Variants in PDE4D observed in about 807,000 individuals in gnomAD.
PDE4D encodes 3',5'-cyclic-AMP phosphodiesterase 4D.
In PDE4D, 24 loss-of-function variants were observed where a neutral mutation model predicts 87.4. The ratio of observed to expected loss-of-function variants is 0.27; its 90% confidence interval spans 0.20 to 0.39. PDE4D has a LOEUF of 0.39. Ranked by LOEUF, PDE4D falls within the 10% of genes least tolerant of loss-of-function variation. The pLI is 1.00. For synonymous variants in PDE4D, 384 were observed against 383.2 expected (o/e 1.00, Z -0.02); for missense variants, 714 against 1,041.0 (o/e 0.69, Z 4.32).
rs114638054 is a variant in PDE4D at position 59,792,009 on chromosome 5, G to A, written c.455+101159C>T. 1.4e-3 allele frequency among the ~76,000 whole-genome samples: 218 copies of A among 152,314 alleles called. 1 individual carries two copies. The highest frequency in any genetic ancestry group is 5.1e-3 in the African/African-American group (210 of 41,562). ...CAAAGTCTAGTATAGGATACAATGT[G>A]TGGCTCCGAAACACAATAAGTGAAA... On this transcript the variant is annotated intron_variant, in intron 1 of 14. Transcript: ENST00000340635.
chr5:59,103,192 C>A (rs1771049325), intron 5 of PDE4D, among the ~76,000 whole-genome samples: 1 of 152,108 alleles, frequency 6.6e-6, no homozygotes, highest in Non-Finnish European at 1.5e-5. Context: ...AGCACCTGAT[C>A]TAATTGGGTT....
intron 1 of PDE4D, chr5:60,459,945 T>C: frequency 1.4e-6 from 1 of 734,576 alleles, no homozygotes. Flanking sequence ...TATCTTTTTA[T>C]CCTTCCTCCT....
intron 1 of PDE4D, among the ~76,000 whole-genome samples, chr5:59,825,469 A>C (rs1211947247): frequency 1.3e-5 from 2 of 152,144 alleles, no homozygotes; most frequent in Non-Finnish European, 2.9e-5. Flanking sequence ...CATCTAAACC[A>C]GAACAGTTTT....
At chr5:59,515,105 T>C (rs905228580) in intron 1 of PDE4D, among the ~76,000 whole-genome samples, 1 of 152,194 alleles carries the variant, frequency 6.6e-6, no homozygotes, top group Non-Finnish European at 1.5e-5. Flanking sequence ...CAGAAAATTA[T>C]TCAACTAAAC....
chr5:58,995,163 C>G (rs1748921945), intron 6 of PDE4D, among the ~76,000 whole-genome samples: 1 of 152,006 alleles, frequency 6.6e-6, no homozygotes, highest in African/African-American at 2.4e-5. Context: ...CTTCTTTGTT[C>G]ATATGTTTTT....
At chr5:60,346,122 T>C (rs1354207931) in intron 1 of PDE4D, among the ~76,000 whole-genome samples, 1 of 152,206 alleles carries the variant, frequency 6.6e-6, no homozygotes, top group Non-Finnish European at 1.5e-5. Flanking sequence ...ATATGCAACA[T>C]GCATGAGTTT....
chr5:59,195,247 T>A (rs1745196017), intron 2 of PDE4D, among the ~76,000 whole-genome samples: 1 of 152,008 alleles, frequency 6.6e-6, no homozygotes, highest in South Asian at 2.1e-4. Flanking sequence ...AATAAATAAT[T>A]TACATAATTT....
At chr5:59,607,321 C>T (rs906237754) in intron 1 of PDE4D, among the ~76,000 whole-genome samples, 1 of 152,114 alleles carries the variant, frequency 6.6e-6, no homozygotes. Flanking sequence ...TGACTGAGTG[C>T]CCAGCATCCA....
intron 1 of PDE4D, among the ~76,000 whole-genome samples, chr5:59,368,141 C>T (rs79294592): frequency 0.051 from 7,723 of 152,220 alleles, 294 homozygotes; most frequent in South Asian, 0.16. Context: ...ACTTGACATC[C>T]GAATTCTCTA....
At chr5:59,838,171 G>A (rs1011931308) in intron 1 of PDE4D, among the ~76,000 whole-genome samples, 3 of 152,022 alleles carry the variant, frequency 2.0e-5, no homozygotes, top group Admixed American at 2.0e-4. Flanking sequence ...AAGAAGGAGA[G>A]TAAAAAGAGT....
rs116802372 is a variant in PDE4D at position 59,648,193 on chromosome 5, C to T, written c.455+244975G>A. Among the ~76,000 whole-genome samples, 983 of 152,104 alleles carry T rather than the reference C, an allele frequency of 6.5e-3. 15 individuals carry two copies. The highest frequency in any genetic ancestry group is 0.022 in the African/African-American group (907 of 41,466). ...ATGTCCCAGTCCCACCCACACATCA[C>T]GAGAGAGAGAAAAAGAAATTCCAAG... On this transcript the variant is annotated intron_variant, in intron 1 of 14. Coordinates refer to ENST00000340635, the MANE Select transcript of PDE4D (RefSeq NM_001104631.2).
intron 1 of PDE4D, among the ~76,000 whole-genome samples, chr5:59,803,192 GTGGAGCCAGGTC>G (rs1767343711): frequency 6.6e-6 from 1 of 152,084 alleles, no homozygotes; most frequent in Non-Finnish European, 1.5e-5. Context: ...TTCTCAGAAT[GTGGAGCCAGGTC>G]TGCAGCGTCA....
In PDE4D at chr5:58,970,124, A is replaced by G. The variant is rs551804227; in HGVS notation, c.*4540T>C. 2 of 152,210 alleles carry G rather than the reference A, an allele frequency of 1.3e-5. No individual in the cohort carries two copies. Among genetic ancestry groups the G allele is most frequent in the East Asian group, 3.8e-4 (2 of 5,204 alleles). 9.4% of individuals were successfully genotyped at this position (152,210 alleles called of 1,614,324 possible). On this transcript the variant is annotated 3_prime_UTR_variant, in exon 15 of 15. Coordinates refer to ENST00000340635, the MANE Select transcript of PDE4D (RefSeq NM_001104631.2). ...TCATTGCATATAAAAATTTCATATG[A>G]AGGTATTGATGTACAGTACTATCCC...
At chr5:59,876,572 G>T (rs1035046165) in intron 1 of PDE4D, among the ~76,000 whole-genome samples, 1 of 152,036 alleles carries the variant, frequency 6.6e-6, no homozygotes, top group African/African-American at 2.4e-5. Flanking sequence ...GACTCTATCT[G>T]CTATACTGGA....
chr5:59,755,006 A>G (rs1761024731), intron 1 of PDE4D, among the ~76,000 whole-genome samples: 2 of 152,108 alleles, frequency 1.3e-5, no homozygotes, highest in Admixed American at 1.3e-4. Flanking sequence ...CTATGGTGGA[A>G]GTATCAGTGG....
At chr5:59,736,217 A>C (rs1242434246) in intron 1 of PDE4D, among the ~76,000 whole-genome samples, 1 of 152,124 alleles carries the variant, frequency 6.6e-6, no homozygotes, top group African/African-American at 2.4e-5. Context: ...CAGAGAGTTC[A>C]AGCAAATGGA....
intron 1 of PDE4D, among the ~76,000 whole-genome samples, chr5:59,747,055 G>T (rs1225681052): frequency 6.6e-6 from 1 of 152,032 alleles, no homozygotes; most frequent in Non-Finnish European, 1.5e-5. Flanking sequence ...TTCCTCCCAC[G>T]GTCTCCCAGT....
intron 5 of PDE4D, among the ~76,000 whole-genome samples, chr5:59,087,763 C>G (rs545476110): frequency 1.3e-5 from 2 of 152,282 alleles, no homozygotes; most frequent in Middle Eastern, 6.8e-3. Flanking sequence ...GTTTGAGGCT[C>G]TCTCACACCT....
At chr5:60,210,614 A>AC (rs949508288) in intron 1 of PDE4D, among the ~76,000 whole-genome samples, 2 of 151,762 alleles carry the variant, frequency 1.3e-5, no homozygotes, top group African/African-American at 2.4e-5. Flanking sequence ...AAAAGGATAC[A>AC]CCCCCCTCCC....
Sources: allele counts gnomAD v4.1 joint callset (sites outside exome capture counted in the v4.1 genomes callset), GRCh38; gene constraint gnomAD v4.1.1; transcripts MANE v1.5; gene names NCBI Gene and HGNC (gene_info 2026-07-23, HGNC 2026-07-21).